Variants in OTUB1 observed in about 807,000 individuals in gnomAD.
The protein encoded by OTUB1 is ubiquitin thioesterase OTUB1.
Under a neutral mutation model 35.8 loss-of-function variants are expected in OTUB1, and 10 were observed. The observed-to-expected ratio is 0.28, with a 90% confidence interval of 0.17 to 0.47. The LOEUF is 0.47. Ranked by LOEUF, OTUB1 falls within the 20% of genes least tolerant of loss-of-function variation. The pLI, the probability that OTUB1 is intolerant of heterozygous loss-of-function variation, is 0.99. For synonymous variants in OTUB1, 158 were observed against 143.8 expected (o/e 1.10, Z -0.71); for missense variants, 264 against 351.6 (o/e 0.75, Z 1.99).
At position 63,996,510 on chromosome 11, in the gene OTUB1, G is replaced by T; in HGVS notation, c.220-20G>T. 2.5e-6 allele frequency: 4 copies of T among 1,613,532 alleles called. No individual in the cohort carries two copies. Among genetic ancestry groups the T allele is most frequent in the Non-Finnish European group, 3.4e-6 (4 of 1,179,672 alleles). Reference sequence around the variant, plus strand: ...GTTCTGGCCTGATGTTAACCTGTCGGGGTGGGGCTGTCTCCGCAGGACCTC... The same window carrying T: ...GTTCTGGCCTGATGTTAACCTGTCGTGGTGGGGCTGTCTCCGCAGGACCTC... On this transcript the variant is annotated intron_variant, in intron 3 of 6. Coordinates refer to ENST00000538426, the MANE Select transcript of OTUB1 (RefSeq NM_017670.3).
intron 3 of OTUB1, among the ~76,000 whole-genome samples, chr11:63,992,768 C>G (rs1349116045): frequency 6.6e-6 from 1 of 152,174 alleles, no homozygotes; most frequent in Non-Finnish European, 1.5e-5. Flanking sequence ...CTAGGCTGGT[C>G]TTGAACTCCT....
intron 1 of OTUB1, among the ~76,000 whole-genome samples, chr11:63,987,359 G>A (rs1233214166): frequency 1.3e-5 from 2 of 152,180 alleles, no homozygotes; most frequent in African/African-American, 4.8e-5. Context: ...GCCCCGGAAG[G>A]GACTTGTTCA....
intron 3 of OTUB1, among the ~76,000 whole-genome samples, chr11:63,994,531 G>A (rs917954098): frequency 3.3e-5 from 5 of 152,218 alleles, no homozygotes; most frequent in Admixed American, 2.6e-4. Context: ...GATTATAGGC[G>A]TGAGCCACCA....
At chr11:63,997,315 G>A (rs761620758) in intron 6 of OTUB1, 34 bp from the exon 7 acceptor site, 26 of 1,612,734 alleles carry the variant, frequency 1.6e-5, no homozygotes, top group Middle Eastern at 1.6e-4. Flanking sequence ...GGCGGGGTGC[G>A]GAGACCAGGG....
chr11:63,992,144 G>A (rs1310256156), intron 3 of OTUB1, among the ~76,000 whole-genome samples: 3 of 152,120 alleles, frequency 2.0e-5, no homozygotes, highest in Non-Finnish European at 4.4e-5. Flanking sequence ...AACCTGGGAA[G>A]TGGAGGTTGC....
At position 63,996,954 on chromosome 11, in the gene OTUB1, G is replaced by C; in HGVS notation, c.423+13G>C. The C allele has an allele frequency of 6.2e-7, 1 of 1,613,892 alleles. No homozygotes were observed. Among genetic ancestry groups the C allele is most frequent in the East Asian group, 2.2e-5 (1 of 44,878 alleles). ...TTTCCACAACACGGTGAGCCCTGGT[G>C]CCTGTCTTGGGCTGGGCCATGGGGG... On this transcript the variant is annotated intron_variant, in intron 5 of 6. Transcript: ENST00000538426.
chr11:63,991,991 G>A (rs1208543964), intron 3 of OTUB1, among the ~76,000 whole-genome samples: 1 of 152,142 alleles, frequency 6.6e-6, no homozygotes, highest in Non-Finnish European at 1.5e-5. Flanking sequence ...GCTGAGGCAG[G>A]TGGATCACCT....
intron 1 of OTUB1, chr11:63,986,760 C>T (rs10897470): frequency 0.33 from 163,205 of 487,490 alleles, 31,548 homozygotes; most frequent in Non-Finnish European, 0.4. Flanking sequence ...CGTGTGCGCC[C>T]GGGGCGGGGC....
In OTUB1 at chr11:63,997,929, G is replaced by T; in HGVS notation, c.*383G>T. 1 of 602,554 alleles carries T rather than the reference G, an allele frequency of 1.7e-6. No individual in the cohort carries two copies. The highest frequency in any genetic ancestry group is 2.9e-5 in the Admixed American group (1 of 34,424). The allele number at this position is 602,554 out of a possible 1,614,324, so 37.3% of individuals were successfully genotyped here. ...TCTATGGGATCCTGGAAGTTCCTTAGGGACTTGCCCAGGGTCCCAGGGCCA... is the reference window on the plus strand; with the variant it reads ...TCTATGGGATCCTGGAAGTTCCTTATGGACTTGCCCAGGGTCCCAGGGCCA... On this transcript the variant is annotated 3_prime_UTR_variant, in exon 7 of 7. Coordinates refer to ENST00000538426, the MANE Select transcript of OTUB1 (RefSeq NM_017670.3).
At chr11:63,994,445 G>A (rs1325958508) in intron 3 of OTUB1, among the ~76,000 whole-genome samples, 1 of 152,180 alleles carries the variant, frequency 6.6e-6, no homozygotes, top group Admixed American at 6.5e-5. Context: ...TAGAGACGGG[G>A]TTTCACCATG....
At chr11:63,993,086 C>T (rs978638007) in intron 3 of OTUB1, among the ~76,000 whole-genome samples, 13 of 152,290 alleles carry the variant, frequency 8.5e-5, no homozygotes, top group Non-Finnish European at 1.6e-4. Context: ...CTGCTGGAGG[C>T]GGGCAGCGGG....
chr11:63,995,453 C>T (rs1462467387), intron 3 of OTUB1, among the ~76,000 whole-genome samples: 2 of 152,168 alleles, frequency 1.3e-5, no homozygotes, highest in African/African-American at 4.8e-5. Context: ...ACCTCAGCCT[C>T]CCAAAGTGCT....
chr11:63,993,964 A>G (rs969574184), intron 3 of OTUB1, among the ~76,000 whole-genome samples: 3 of 152,112 alleles, frequency 2.0e-5, no homozygotes, highest in Non-Finnish European at 4.4e-5. Flanking sequence ...CCGTCTCTAC[A>G]AAAAATACAA....
At chr11:63,994,438 A>G (rs1486358526) in intron 3 of OTUB1, among the ~76,000 whole-genome samples, 1 of 152,114 alleles carries the variant, frequency 6.6e-6, no homozygotes, top group Non-Finnish European at 1.5e-5. Flanking sequence ...TTTTTAGTAG[A>G]GACGGGGTTT....
Position 63,997,541 on chromosome 11 carries a change from A to G in OTUB1, c.811A>G (p.Lys271Glu). 6.2e-7 allele frequency: 1 copy of G among 1,613,258 alleles called. No homozygotes were observed. Among genetic ancestry groups the G allele is most frequent in the East Asian group, 2.2e-5 (1 of 44,850 alleles). The change falls in exon 7 of 7, where the codon AAA becomes GAA. Residue 271 changes from lysine (K) to glutamate (E), a missense_variant. Lys to Glu is a moderately conservative substitution (Grantham distance 56, BLOSUM62 1). This residue lies in a region of OTUB1 where 214 missense variants were observed against 317.1 expected (regional missense o/e 0.67). Transcript: ENST00000538426. ...YRPGHYDILY[K>E] ...GCCTGGACACTACGATATCCTCTAC[A>G]AATAGGGCTGGCTCCAGCCCGCTGC... is the stretch of plus-strand genomic sequence containing the variant.
intron 1 of OTUB1, among the ~76,000 whole-genome samples, chr11:63,988,094 G>A (rs1006345714): frequency 2.6e-5 from 4 of 152,186 alleles, no homozygotes; most frequent in Admixed American, 2.6e-4. Context: ...GGTCAACATG[G>A]CGAAACCCCA....
At chr11:63,993,871 G>A (rs750935506) in intron 3 of OTUB1, among the ~76,000 whole-genome samples, 5 of 151,802 alleles carry the variant, frequency 3.3e-5, no homozygotes, top group African/African-American at 7.3e-5. Flanking sequence ...GAAGCTGGCC[G>A]GGTGCGGCAC....
chr11:63,991,253 G>C (rs945187480), intron 3 of OTUB1, among the ~76,000 whole-genome samples: 1 of 152,146 alleles, frequency 6.6e-6, no homozygotes, highest in Non-Finnish European at 1.5e-5. Flanking sequence ...GAGATGTTAC[G>C]GGCGGTTGTA....
rs781653508 is a variant in OTUB1 at position 63,988,732 on chromosome 11, A to G, written c.199A>G (p.Ile67Val). ...CAAGGAGTATGCTGAAGATGACAACATCTATCAACAGAAGATCAAGGTGGG... is the reference window on the plus strand; with the variant it reads ...CAAGGAGTATGCTGAAGATGACAACGTCTATCAACAGAAGATCAAGGTGGG... ...LYKEYAEDDN[I>V]YQQKIKDLHK... The change falls in exon 3 of 7, where the codon ATC (isoleucine) becomes GTC (valine). Residue 67 changes from isoleucine to valine, a missense_variant. Around this residue, in one of 2 missense-constraint regions of OTUB1, gnomAD observed 214 missense variants for 317.1 expected, o/e 0.67. Coordinates refer to ENST00000538426, the MANE Select transcript of OTUB1 (RefSeq NM_017670.3). 3 of 1,611,914 alleles carry G rather than the reference A, an allele frequency of 1.9e-6. No individual in the cohort carries two copies.
Sources: gnomAD v4.1 joint callset for allele counts (sites outside exome capture counted in the v4.1 genomes callset) on GRCh38, gnomAD v4.1.1 for gene constraint, gnomAD v4.1.1 regional missense constraint, MANE v1.5 for transcripts, NCBI Gene and HGNC (gene_info 2026-07-23, HGNC 2026-07-21) for gene names.